RCCD1: variants seen among roughly 807,000 people sequenced by gnomAD.
RCCD1 encodes the protein RCC1 domain containing 1.
A neutral mutation model predicts 37.6 loss-of-function variants in RCCD1; 40 were observed. The ratio of observed to expected loss-of-function variants is 1.06; its 90% CI spans 0.83 to 1.39. The LOEUF (loss-of-function observed/expected upper bound fraction) is 1.39. RCCD1 is among the 40% of genes most tolerant of loss of function. The pLI is 0.00. For synonymous variants in RCCD1, 263 were observed against 230.0 expected (o/e 1.14, Z -1.30); for missense variants, 577 against 517.3 (o/e 1.12, Z -1.12).
Position 90,959,882 on chromosome 15 carries a change from C to T in RCCD1, c.680-18C>T, listed in dbSNP as rs1468878673. The stretch of plus-strand genomic sequence containing the variant: ...GGGCTTCACAGTCTGTTTCATGTGT[C>T]CCCTTGATCTCTTTCAGAGACTGGG... On this transcript the variant is annotated intron_variant, in intron 4 of 7. Transcript: ENST00000394258. 12 of 1,573,336 alleles carry T rather than the reference C, an allele frequency of 7.6e-6. No homozygotes were observed. The highest frequency in any genetic ancestry group is 8.7e-6 in the Non-Finnish European group (10 of 1,148,430).
rs2037232704 is a variant in RCCD1 at position 90,957,741 on chromosome 15, C to T, written c.679+16C>T. 6.3e-7 allele frequency: 1 copy of T among 1,588,924 alleles called. No homozygotes were observed. The highest frequency in any genetic ancestry group is 1.3e-5 in the African/African-American group (1 of 74,264). ...TGTGTGAGTGGTGAGTGACTTAGTG[C>T]TTCTCCAGACGAGCTCATGATCTTG... On this transcript the variant is annotated intron_variant, in intron 4 of 7. Coordinates refer to ENST00000394258, the MANE Select transcript of RCCD1 (RefSeq NM_001017919.2).
chr15:90,958,767 A>C (rs893925892), intron 4 of RCCD1, among the ~76,000 whole-genome samples: 3 of 151,664 alleles, frequency 2.0e-5, no homozygotes, highest in African/African-American at 7.3e-5. Flanking sequence ...TCGTCTTTGT[A>C]CAAAAAATAT....
chr15:90,957,674 C>G lies in RCCD1; in HGVS notation c.628C>G (p.Leu210Val), dbSNP rs2037229712. 1 of 1,614,032 alleles carries G rather than the reference C, an allele frequency of 6.2e-7. No homozygotes were observed. The change falls in exon 4 of 8, where the codon CTA (leucine) becomes GTA (valine). Residue 210 changes from leucine (L) to valine (V), a missense_variant. By Grantham distance (32) the Leu-to-Val change is conservative. Coordinates refer to ENST00000394258, the MANE Select transcript of RCCD1 (RefSeq NM_001017919.2). Reference sequence around the variant, plus strand: ...ACGGCTGTTGGAGGCGTTGCAGGGCCTAGTCATGGCTGAGGTGGCCGCGGG... The same window carrying G: ...ACGGCTGTTGGAGGCGTTGCAGGGCGTAGTCATGGCTGAGGTGGCCGCGGG... ...EPRLLEALQG[L>V]VMAEVAAGGW...
chr15:90,957,054 C>G, intron 2 of RCCD1, 59 bp from the exon 3 acceptor site: 2 of 1,302,600 alleles, frequency 1.5e-6, no homozygotes, highest in South Asian at 4.7e-5. Context: ...CAGGAACACC[C>G]CGCTCCCCCC....
chr15:90,959,329 C>T (rs1364918596), intron 4 of RCCD1, among the ~76,000 whole-genome samples: 1 of 152,214 alleles, frequency 6.6e-6, no homozygotes, highest in South Asian at 2.1e-4. Flanking sequence ...TAGAATTAGG[C>T]AGCTGTTCCA....
rs2037316368 is a variant in RCCD1 at position 90,961,648 on chromosome 15, C to A, written c.1010C>A (p.Thr337Asn). Residue 337 changes from threonine (T) to asparagine (N), a missense_variant, in exon 8 of 8, where the codon ACC (threonine) becomes AAC (asparagine). Transcript: ENST00000394258. ...TATGGACAGCTGGGCCACGAGGACA[C>A]CACCAGCTTGGATCGGCCTCGCCGT... is the stretch of plus-strand genomic sequence containing the variant. The part of the protein sequence containing the change: ...GKYGQLGHED[T>N]TSLDRPRRVE... 6.2e-7 allele frequency: 1 copy of A among 1,613,956 alleles called. No individual in the cohort carries two copies. The highest frequency in any genetic ancestry group is 8.5e-7 in the Non-Finnish European group (1 of 1,179,936).
At chr15:90,958,514 G>T (rs1032431476) in intron 4 of RCCD1, among the ~76,000 whole-genome samples, 3 of 151,760 alleles carry the variant, frequency 2.0e-5, no homozygotes, top group African/African-American at 7.3e-5. Flanking sequence ...TGTAGTCCTG[G>T]CTACTCGGGA....
chr15:90,959,823 G>T (rs1274484591), intron 4 of RCCD1, 77 bp from the exon 5 acceptor site: 3 of 1,140,348 alleles, frequency 2.6e-6, no homozygotes, highest in Non-Finnish European at 3.8e-6. Context: ...CCCAGGAGCG[G>T]ATGCGATGGG....
Position 90,957,203 on chromosome 15 carries a change from T to C in RCCD1, c.257T>C (p.Leu86Pro), listed in dbSNP as rs1324209411. 7.1e-7 allele frequency: 1 copy of C among 1,406,684 alleles called. No individual in the cohort carries two copies. The allele number at this position is 1,406,684 out of a possible 1,614,324, so 87.1% of individuals were successfully genotyped here. A position where few individuals can be genotyped will look rare whatever the true frequency, so the allele number is the denominator to read the frequency against. ...AWASEGLLAV[L>P]RAGPGPEALL... ...GCCTCGGAGGGGCTCCTCGCGGTGC[T>C]GCGCGCCGGGCCGGGGCCGGAGGCG... The change falls in exon 3 of 8, where the codon CTG (leucine) becomes CCG (proline). Residue 86 changes from leucine to proline, a missense_variant. By Grantham distance (98) the Leu-to-Pro change is moderately conservative. Transcript: ENST00000394258.
At chr15:90,956,013 C>T (rs1304192882) in intron 1 of RCCD1, 1 of 152,160 alleles carries the variant, frequency 6.6e-6, no homozygotes, top group Non-Finnish European at 1.5e-5. Context: ...TGTACTCGCA[C>T]CAAACCCTTT....
rs746297621 is a variant in RCCD1, at chr15:90,961,058, A to T, written c.979+4A>T. 6.2e-7 allele frequency: 1 copy of T among 1,613,672 alleles called. No individual in the cohort carries two copies. The highest frequency in any genetic ancestry group is 1.3e-5 in the African/African-American group (1 of 74,968). The stretch of plus-strand genomic sequence containing the variant: ...GAGCTCTACACCTGGGGCTGGGGTA[A>T]GTAAAAGGATTGTTTTTGTGACCCT... On this transcript the variant is annotated splice_donor_region_variant and intron_variant, in intron 7 of 7. Coordinates refer to ENST00000394258, the MANE Select transcript of RCCD1 (RefSeq NM_001017919.2).
At position 90,957,673 on chromosome 15, in the gene RCCD1, C is replaced by T. The variant is rs772086867; in HGVS notation, c.627C>T (p.Gly209=). The change falls in exon 4 of 8, where the codon GGC becomes GGT. Residue 209 remains glycine (G), a synonymous_variant. Coordinates refer to ENST00000394258, the MANE Select transcript of RCCD1 (RefSeq NM_001017919.2). ...CACGGCTGTTGGAGGCGTTGCAGGG[C>T]CTAGTCATGGCTGAGGTGGCCGCGG... is the stretch of plus-strand genomic sequence containing the variant. ...LEPRLLEALQ[G]LVMAEVAAGG... 6.2e-7 allele frequency: 1 copy of T among 1,614,026 alleles called. No homozygotes were observed. Among genetic ancestry groups the T allele is most frequent in the South Asian group, 1.1e-5 (1 of 91,074 alleles).
intron 4 of RCCD1, among the ~76,000 whole-genome samples, chr15:90,958,870 G>A (rs2037256681): frequency 1.3e-5 from 2 of 150,572 alleles, no homozygotes; most frequent in Admixed American, 1.3e-4. Flanking sequence ...GTGAGTGGAG[G>A]TTGCAGTGAG....
In RCCD1 at chr15:90,963,041, A is replaced by G. The variant is rs1489560664; in HGVS notation, c.*1272A>G. 1.3e-5 allele frequency: 2 copies of G among 152,168 alleles called. No homozygotes were observed. The highest frequency in any genetic ancestry group is 2.9e-5 in the Non-Finnish European group (2 of 68,028). 9.4% of individuals were successfully genotyped at this position (152,168 alleles called of 1,614,324 possible). On this transcript the variant is annotated 3_prime_UTR_variant, in exon 8 of 8. Coordinates refer to ENST00000394258, the MANE Select transcript of RCCD1 (RefSeq NM_001017919.2). ...GTGGTTTAGCAAATGTTTCCCACCC[A>G]TGGGGTCTTTTTTATTGTGGTAAAA...
rs1223589708 is a variant in RCCD1, at chr15:90,960,398, C to A, written c.849C>A (p.Pro283=). Residue 283 remains proline, a synonymous_variant, in exon 6 of 8, where the codon CCC becomes CCA. Coordinates refer to ENST00000394258, the MANE Select transcript of RCCD1 (RefSeq NM_001017919.2). ...GGGCTGAGGATGGAGCCCCTGCCCC[C>A]TTCATAGCTGTCCAGCCCTTCCCGG... The part of the protein sequence containing the change: ...TGGAEDGAPA[P]FIAVQPFPAL... 2 of 1,613,772 alleles carry A rather than the reference C, an allele frequency of 1.2e-6. No individual in the cohort carries two copies. The highest frequency in any genetic ancestry group is 1.3e-5 in the African/African-American group (1 of 74,910).
At chr15:90,961,432 C>A in intron 7 of RCCD1, 186 bp from the exon 8 acceptor site, 1 of 618,640 alleles carries the variant, frequency 1.6e-6, no homozygotes, top group Non-Finnish European at 2.8e-6. Flanking sequence ...AGCGTCTTGC[C>A]TGGAGTGGCT....
chr15:90,958,114 CTG>C (rs1567168487), intron 4 of RCCD1, among the ~76,000 whole-genome samples: 1 of 152,212 alleles, frequency 6.6e-6, no homozygotes, highest in Admixed American at 6.5e-5. Context: ...AGGGTGGACA[CTG>C]GGGTGCCCAC....
chr15:90,961,479 C>T, intron 7 of RCCD1, 139 bp from the exon 8 acceptor site: 1 of 1,039,962 alleles, frequency 9.6e-7, no homozygotes, highest in Non-Finnish European at 1.4e-6. Context: ...CCAAGGTTGC[C>T]TGGCTCTGGG....
At position 90,958,938 on chromosome 15, in the gene RCCD1, A is replaced by AAAAAACAAAAAAC. The variant is rs1567168807; in HGVS notation, c.680-957_680-956insCAAAAAACAAAAA. ...GACAGAGTGAGACTCTGTCTGTCTA[A>AAAAAACAAAAAAC]AAAAAAAAAAAAAACAAAAAAAAAA... is the stretch of plus-strand genomic sequence containing the variant. On this transcript the variant is annotated intron_variant, in intron 4 of 7. Coordinates refer to ENST00000394258, the MANE Select transcript of RCCD1 (RefSeq NM_001017919.2). Among the ~76,000 whole-genome samples the AAAAAACAAAAAAC allele has an allele frequency of 1.4e-4, 8 of 57,840 alleles. No individual in the cohort carries two copies. The African/African-American group carries it at 2.6e-3, about 19-fold the overall frequency. The allele number at this position is 57,840 out of a possible 152,430, so 37.9% of individuals were successfully genotyped here. A position where few individuals can be genotyped will look rare whatever the true frequency, so the allele number is the denominator to read the frequency against.
Sources: allele counts gnomAD v4.1 joint callset (sites outside exome capture counted in the v4.1 genomes callset), GRCh38; gene constraint gnomAD v4.1.1; transcripts MANE v1.5; gene names NCBI Gene and HGNC (gene_info 2026-07-23, HGNC 2026-07-21).